COP1: variants seen among roughly 807,000 people sequenced by gnomAD.
The protein encoded by COP1 is E3 ubiquitin-protein ligase COP1.
COP1 carries 24 observed loss-of-function variants against 101.3 expected under a neutral mutation model. The ratio of observed to expected loss-of-function variants is 0.24; its 90% CI spans 0.17 to 0.33. The LOEUF (loss-of-function observed/expected upper bound fraction) is 0.33. Among genes scored for constraint, COP1 ranks in the 10% least tolerant of loss-of-function variants. COP1 has a pLI of 1.00. For synonymous variants in COP1, 347 were observed against 341.9 expected (o/e 1.01, Z -0.17); for missense variants, 663 against 906.2 (o/e 0.73, Z 3.45).
At chr1:176,140,623 TAAACATA>T (rs2149771464) in intron 6 of COP1, among the ~76,000 whole-genome samples, 1 of 152,270 alleles carries the variant, frequency 6.6e-6, no homozygotes, top group Non-Finnish European at 1.5e-5. Flanking sequence ...ATTCACTCTG[TAAACATA>T]ACCCCGGGAA....
At chr1:176,086,366 C>T (rs545226636) in intron 9 of COP1, among the ~76,000 whole-genome samples, 2 of 151,840 alleles carry the variant, frequency 1.3e-5, no homozygotes, top group East Asian at 3.9e-4. Context: ...GCTGGGACTA[C>T]AGCCGCCCGC....
intron 8 of COP1, chr1:176,133,904 A>T (rs1689366213): frequency 7.0e-6 from 3 of 430,818 alleles, no homozygotes; most frequent in Non-Finnish European, 1.4e-5. Flanking sequence ...TTCAAGGCTT[A>T]AAGATAACAA....
At position 176,207,257 on chromosome 1, in the gene COP1, C is replaced by T. The variant is rs1700963734; in HGVS notation, c.-279G>A. ...CCCTGTAGCAGCCAACCCCGGCGCG[C>T]CGTGGCCGGCCGTGCGCGCGCGCGC... On this transcript the variant is annotated 5_prime_UTR_variant, in exon 1 of 20. Coordinates refer to ENST00000367669, the MANE Select transcript of COP1 (RefSeq NM_022457.7). 2 of 392,096 alleles carry T rather than the reference C, an allele frequency of 5.1e-6. No individual in the cohort carries two copies. The allele number at this position is 392,096 out of a possible 1,614,324, so 24.3% of individuals were successfully genotyped here.
chr1:176,074,081 C>T (rs1425707514), intron 11 of COP1, among the ~76,000 whole-genome samples: 1 of 152,114 alleles, frequency 6.6e-6, no homozygotes, highest in African/African-American at 2.4e-5. Context: ...CATACGCCAC[C>T]ATGCCTGGCT....
At chr1:176,151,050 C>G (rs1572538659) in intron 5 of COP1, among the ~76,000 whole-genome samples, 1 of 151,926 alleles carries the variant, frequency 6.6e-6, no homozygotes, top group East Asian at 1.9e-4. Flanking sequence ...ATATAATGTT[C>G]TATTAGAACA....
At chr1:175,976,267 A>ATTTTTTTTTTTTTTTTTTTTTT (rs1225101059) in intron 18 of COP1, among the ~76,000 whole-genome samples, 1 of 41,764 alleles carries the variant, frequency 2.4e-5, no homozygotes, top group Non-Finnish European at 6.1e-5. Context: ...TCAATTAGTC[A>ATTTTTTTTTTTTTTTTTTTTTT]TTCTTTTTTT....
intron 15 of COP1, chr1:176,017,344 G>C (rs1665838327): frequency 6.6e-6 from 1 of 152,092 alleles, no homozygotes; most frequent in African/African-American, 2.4e-5. Context: ...TCAGATGCTT[G>C]AGAGTTTATA....
chr1:176,207,261 G>T lies in COP1; in HGVS notation c.-283C>A, dbSNP rs997436034. 1.1e-4 allele frequency: 42 copies of T among 391,618 alleles called. No individual in the cohort carries two copies. The highest frequency in any genetic ancestry group is 1.7e-4 in the Non-Finnish European group (37 of 221,702). 24.3% of individuals were successfully genotyped at this position (391,618 alleles called of 1,614,324 possible). A position where few individuals can be genotyped will look rare whatever the true frequency, so the allele number is the denominator to read the frequency against. On this transcript the variant is annotated 5_prime_UTR_variant, in exon 1 of 20. Coordinates refer to ENST00000367669, the MANE Select transcript of COP1 (RefSeq NM_022457.7). ...GTAGCAGCCAACCCCGGCGCGCCGT[G>T]GCCGGCCGTGCGCGCGCGCGCGAGC...
At chr1:175,982,173 T>C (rs1026472755) in intron 18 of COP1, among the ~76,000 whole-genome samples, 2 of 152,324 alleles carry the variant, frequency 1.3e-5, no homozygotes, top group Non-Finnish European at 2.9e-5. Context: ...CTTCTGAGCA[T>C]TGAATCCCAC....
intron 5 of COP1, among the ~76,000 whole-genome samples, chr1:176,152,724 G>C (rs1334004953): frequency 1.3e-5 from 2 of 152,090 alleles, no homozygotes; most frequent in Non-Finnish European, 2.9e-5. Context: ...TACGGCGTGA[G>C]CCACTGTGCC....
chr1:176,076,097 C>CT lies in COP1; in HGVS notation c.1277+5054dup, dbSNP rs1677950247. The stretch of plus-strand genomic sequence containing the variant: ...GGCAGAACACTAACGAAATTCTGGA[C>CT]TTAAACTCTACACTTGACCAACTGG... On this transcript the variant is annotated intron_variant, in intron 11 of 19. Coordinates refer to ENST00000367669, the MANE Select transcript of COP1 (RefSeq NM_022457.7). Among the ~76,000 whole-genome samples, 3 of 151,416 alleles carry CT rather than the reference C, an allele frequency of 2.0e-5. No individual in the cohort carries two copies. In the South Asian group the frequency reaches 6.3e-4, roughly 32 times the overall value.
At chr1:176,160,756 T>TA (rs1274104099) in intron 5 of COP1, among the ~76,000 whole-genome samples, 2 of 152,080 alleles carry the variant, frequency 1.3e-5, no homozygotes, top group Admixed American at 6.6e-5. Flanking sequence ...TGGCAATTAT[T>TA]AAAAAGCCAA....
At chr1:176,156,348 T>C (rs1693446538) in intron 5 of COP1, among the ~76,000 whole-genome samples, 1 of 151,900 alleles carries the variant, frequency 6.6e-6, no homozygotes, top group Non-Finnish European at 1.5e-5. Flanking sequence ...AACCCAATGA[T>C]GTCTAAAGGA....
intron 11 of COP1, among the ~76,000 whole-genome samples, chr1:176,056,568 T>C (rs571350216): frequency 4.6e-5 from 7 of 152,304 alleles, no homozygotes; most frequent in Admixed American, 2.0e-4. Flanking sequence ...TAGCCTGAAT[T>C]AAACCTTACT....
At chr1:176,104,525 T>C (rs1298103117) in intron 9 of COP1, among the ~76,000 whole-genome samples, 1 of 152,106 alleles carries the variant, frequency 6.6e-6, no homozygotes. Flanking sequence ...CTAATAAGTA[T>C]ATTAGTAAAC....
chr1:176,038,732 C>T (rs887467426), intron 14 of COP1, among the ~76,000 whole-genome samples: 2 of 151,604 alleles, frequency 1.3e-5, no homozygotes, highest in African/African-American at 2.4e-5. Flanking sequence ...GCAGGAGAAT[C>T]GCTTGAACCC....
At chr1:176,071,774 T>C (rs1677050353) in intron 11 of COP1, among the ~76,000 whole-genome samples, 2 of 152,238 alleles carry the variant, frequency 1.3e-5, no homozygotes, top group Admixed American at 1.3e-4. Context: ...ATTTCTTGGA[T>C]ACCAAACACT....
chr1:176,073,769 A>G (rs1346156053), intron 11 of COP1, among the ~76,000 whole-genome samples: 1 of 152,214 alleles, frequency 6.6e-6, no homozygotes, highest in African/African-American at 2.4e-5. Context: ...TTAACTCCAA[A>G]TAAGCAAAGG....
chr1:176,197,148 T>C (rs974950492), intron 1 of COP1, among the ~76,000 whole-genome samples: 2 of 152,188 alleles, frequency 1.3e-5, no homozygotes, highest in African/African-American at 2.4e-5. Context: ...ACAACCAGTA[T>C]TCTTCTAAGA....
Sources: gnomAD v4.1 joint callset for allele counts (sites outside exome capture counted in the v4.1 genomes callset) on GRCh38, gnomAD v4.1.1 for gene constraint, MANE v1.5 for transcripts, NCBI Gene and HGNC (gene_info 2026-07-23, HGNC 2026-07-21) for gene names.